SDK1: variants seen among roughly 807,000 people sequenced by gnomAD.
SDK1 encodes the protein protein sidekick-1.
SDK1 carries 157 observed loss-of-function variants against 245.5 expected under a neutral mutation model. The observed-to-expected ratio is 0.64, with a 90% CI of 0.56 to 0.73. The LOEUF is 0.73. Among genes scored for constraint, SDK1 ranks in the 30% least tolerant of loss-of-function variants. The pLI, the probability that SDK1 is intolerant of heterozygous loss-of-function variation, is 0.00. For synonymous variants in SDK1, 1,647 were observed against 1,278.5 expected, an observed-to-expected ratio of 1.29 and a Z score of -6.15; for missense variants, 3,583 against 3,002.3, an observed-to-expected ratio of 1.19 and a Z score of -4.52.
intron 1 of SDK1, among the ~76,000 whole-genome samples, chr7:3,339,286 A>G (rs1780283275): frequency 6.6e-6 from 1 of 152,298 alleles, no homozygotes; most frequent in East Asian, 1.9e-4. Flanking sequence ...CATGAAGCAA[A>G]AACTGAGCTG....
At chr7:3,858,522 C>A (rs1009620749) in intron 5 of SDK1, among the ~76,000 whole-genome samples, 1 of 152,052 alleles carries the variant, frequency 6.6e-6, no homozygotes, top group African/African-American at 2.4e-5. Context: ...AGGATGAAGA[C>A]TGAATGTAGA....
At position 4,023,251 on chromosome 7, in the gene SDK1, A is replaced by G. The variant is rs538635862; in HGVS notation, c.2602+5899A>G. Among the ~76,000 whole-genome samples the G allele has an allele frequency of 3.3e-5, 5 of 152,106 alleles. No homozygotes were observed. In the South Asian group the frequency reaches 6.2e-4, roughly 19 times the overall value. On this transcript the variant is annotated intron_variant, in intron 17 of 44. Transcript: ENST00000404826. Reference sequence around the variant, plus strand: ...TATCCCCCTTCATCCACCATCCCCCATTATCTTGTCGGCCAATCCCATTTA... The same window carrying G: ...TATCCCCCTTCATCCACCATCCCCCGTTATCTTGTCGGCCAATCCCATTTA...
intron 5 of SDK1, among the ~76,000 whole-genome samples, chr7:3,929,761 A>G (rs1198609879): frequency 3.3e-5 from 5 of 152,058 alleles, no homozygotes; most frequent in Non-Finnish European, 5.9e-5. Context: ...TGATGAGGTC[A>G]TTTGTAGATA....
At chr7:3,566,629 G>C (rs1010691623) in intron 1 of SDK1, among the ~76,000 whole-genome samples, 4 of 151,306 alleles carry the variant, frequency 2.6e-5, no homozygotes, top group African/African-American at 7.3e-5. Flanking sequence ...CAGATGGGCA[G>C]ATGACAGAAT....
intron 34 of SDK1, among the ~76,000 whole-genome samples, chr7:4,176,192 T>C (rs112033477): frequency 6.6e-6 from 1 of 151,014 alleles, no homozygotes; most frequent in Admixed American, 6.6e-5. Context: ...AGACAGAGTC[T>C]CACTCTGTTG....
intron 1 of SDK1, among the ~76,000 whole-genome samples, chr7:3,485,671 G>T (rs367645415): frequency 3.0e-4 from 23 of 75,510 alleles, no homozygotes; most frequent in Non-Finnish European, 4.9e-4. Flanking sequence ...CTGAGGGGAT[G>T]ATCTTTGGAG....
intron 14 of SDK1, among the ~76,000 whole-genome samples, chr7:3,995,795 A>G (rs1480383332): frequency 6.9e-6 from 1 of 145,848 alleles, no homozygotes; most frequent in Non-Finnish European, 1.5e-5. Flanking sequence ...TCTTTGCCCC[A>G]TTTATCTATC....
chr7:3,340,129 G>GT (rs1460489870), intron 1 of SDK1, among the ~76,000 whole-genome samples: 1 of 151,764 alleles, frequency 6.6e-6, no homozygotes, highest in African/African-American at 2.4e-5. Context: ...TTTTATTTTA[G>GT]TTTTTCTCAA....
At chr7:3,571,138 G>C (rs897618414) in intron 1 of SDK1, among the ~76,000 whole-genome samples, 3 of 151,872 alleles carry the variant, frequency 2.0e-5, no homozygotes, top group Non-Finnish European at 2.9e-5. Flanking sequence ...ATTTAATTTG[G>C]AGTCGACTTA....
chr7:4,165,294 G>T (rs550464394), intron 32 of SDK1, among the ~76,000 whole-genome samples: 1 of 152,258 alleles, frequency 6.6e-6, no homozygotes, highest in Non-Finnish European at 1.5e-5. Context: ...GGGAGGTGGA[G>T]GTTGCAGTGA....
At chr7:3,691,639 ATAT>A (rs57039094) in intron 4 of SDK1, among the ~76,000 whole-genome samples, 124,807 of 151,978 alleles carry the variant, frequency 0.82, 51,393 homozygotes, top group Non-Finnish European at 0.85. Flanking sequence ...TTGTGAACTG[ATAT>A]TATTGATTTT....
chr7:4,224,982 CAAAAAAAAAAAAAAAAAA>C (rs3038664), intron 40 of SDK1, among the ~76,000 whole-genome samples: 108 of 43,758 alleles, frequency 2.5e-3, no homozygotes, highest in African/African-American at 4.2e-3. Flanking sequence ...GACTCTGTCT[CAAAAAAAAAAAAAAAAAA>C]AAAAAAAAAA....
rs1433517071 is a variant in SDK1, at chr7:3,951,891, C to T, written c.1121C>T (p.Ala374Val). ...AALPGSAFEP[A>V]RATAFLFIIE... The stretch of plus-strand genomic sequence containing the variant: ...CTGCCGGGGAGCGCTTTTGAACCGG[C>T]CAGGGCGACGGCCTTTCTTTTCATC... The change falls in exon 7 of 45, where the codon GCC becomes GTC. Residue 374 changes from alanine (A) to valine (V), a missense_variant. Ala to Val is a moderately conservative substitution (Grantham distance 64, BLOSUM62 0). Transcript: ENST00000404826. 4 of 1,613,176 alleles carry T rather than the reference C, an allele frequency of 2.5e-6. No individual in the cohort carries two copies. The highest frequency in any genetic ancestry group is 1.1e-5 in the South Asian group (1 of 91,066).
chr7:3,375,558 T>C (rs1452352905), intron 1 of SDK1, among the ~76,000 whole-genome samples: 3 of 152,190 alleles, frequency 2.0e-5, no homozygotes, highest in Non-Finnish European at 4.4e-5. Context: ...CAAGGGTAAA[T>C]CATACAAGAC....
chr7:3,648,632 T>C lies in SDK1; in HGVS notation c.713+6527T>C, dbSNP rs143935179. On this transcript the variant is annotated intron_variant, in intron 4 of 44. Transcript: ENST00000404826. ...AGATTTGTTTAAATTAGCGCTTGCATTGGAAGTCACAACTTAATGCTCGAA... is the reference window on the plus strand; with the variant it reads ...AGATTTGTTTAAATTAGCGCTTGCACTGGAAGTCACAACTTAATGCTCGAA... 3.7e-3 allele frequency among the ~76,000 whole-genome samples: 571 copies of C among 152,348 alleles called. 6 individuals carry two copies. The highest frequency in any genetic ancestry group is 0.012 in the African/African-American group (518 of 41,590).
chr7:3,484,209 C>T (rs1395131838), intron 1 of SDK1, among the ~76,000 whole-genome samples: 2 of 152,196 alleles, frequency 1.3e-5, no homozygotes, highest in Non-Finnish European at 2.9e-5. Context: ...CAAAATTTCA[C>T]CTTCTGTATC....
intron 1 of SDK1, among the ~76,000 whole-genome samples, chr7:3,509,323 G>C (rs1411256384): frequency 6.6e-6 from 1 of 152,058 alleles, no homozygotes; most frequent in African/African-American, 2.4e-5. Context: ...CCTAATCCTG[G>C]AGCCGGAGCT....
chr7:3,486,898 G>GT lies in SDK1; in HGVS notation c.299-132179dup, dbSNP rs201948440. The stretch of plus-strand genomic sequence containing the variant: ...CTCTTAACTGTCTTATTCTCTACCA[G>GT]TTTATCTTATATAAATATTAAAACT... On this transcript the variant is annotated intron_variant, in intron 1 of 44. Transcript: ENST00000404826. Among the ~76,000 whole-genome samples, 802 of 152,156 alleles carry GT rather than the reference G, an allele frequency of 5.3e-3. 14 individuals carry two copies. Among genetic ancestry groups the GT allele is most frequent in the Admixed American group, 0.038 (576 of 15,284 alleles).
At chr7:3,378,048 G>A (rs955189494) in intron 1 of SDK1, among the ~76,000 whole-genome samples, 4 of 152,086 alleles carry the variant, frequency 2.6e-5, no homozygotes, top group East Asian at 3.9e-4. Flanking sequence ...CAAAGTGCTG[G>A]GATTACAGGC....
Sources: gnomAD v4.1 joint callset for allele counts (sites outside exome capture counted in the v4.1 genomes callset) on GRCh38, gnomAD v4.1.1 for gene constraint, MANE v1.5 for transcripts, NCBI Gene and HGNC (gene_info 2026-07-23, HGNC 2026-07-21) for gene names.